FMNL2: variants seen among roughly 807,000 people sequenced by gnomAD.
FMNL2 encodes the protein formin like 2.
A neutral mutation model predicts 130.2 loss-of-function variants in FMNL2; 51 were observed. The ratio of observed to expected loss-of-function variants is 0.39; its 90% CI spans 0.31 to 0.49. FMNL2 has a LOEUF of 0.49. Among genes scored for constraint, FMNL2 ranks in the 20% least tolerant of loss-of-function variants. The pLI, the probability that FMNL2 is intolerant of heterozygous loss-of-function variation, is 0.85. For missense variants in FMNL2, 977 were observed against 1,316.2 expected (o/e 0.74, Z 3.99); for synonymous variants, 465 against 467.1 (o/e 1.00, Z 0.06).
At chr2:152,543,691 A>G (rs542064022) in intron 3 of FMNL2, among the ~76,000 whole-genome samples, 22 of 133,668 alleles carry the variant, frequency 1.6e-4, no homozygotes, top group Non-Finnish European at 1.9e-4. Flanking sequence ...TTTATCTTCT[A>G]CTCTAACTCT....
At chr2:152,640,984 A>G in intron 25 of FMNL2, 70 bp downstream of exon 25, 1 of 1,593,086 alleles carries the variant, frequency 6.3e-7, no homozygotes, top group East Asian at 2.2e-5. Flanking sequence ...ATGCATGCAG[A>G]TTTTGCAGCT....
At chr2:152,535,127 A>G (rs1693927554) in intron 2 of FMNL2, among the ~76,000 whole-genome samples, 1 of 152,192 alleles carries the variant, frequency 6.6e-6, no homozygotes, top group Admixed American at 6.5e-5. Context: ...CTGTATTCCT[A>G]ACCTATTATT....
chr2:152,558,401 G>A (rs959139016), intron 4 of FMNL2, among the ~76,000 whole-genome samples: 1 of 152,200 alleles, frequency 6.6e-6, no homozygotes, highest in African/African-American at 2.4e-5. Context: ...TCCACAAGCA[G>A]GCTGTAGATC....
At chr2:152,450,580 T>C (rs1360429834) in intron 1 of FMNL2, among the ~76,000 whole-genome samples, 1 of 152,190 alleles carries the variant, frequency 6.6e-6, no homozygotes, top group Non-Finnish European at 1.5e-5. Flanking sequence ...GATTGGCTCA[T>C]CTTCATTATC....
intron 1 of FMNL2, among the ~76,000 whole-genome samples, chr2:152,404,902 G>A (rs1403305812): frequency 1.3e-5 from 2 of 152,090 alleles, no homozygotes; most frequent in African/African-American, 4.8e-5. Context: ...GTTGATTTTT[G>A]TCTTAAGATA....
intron 6 of FMNL2, among the ~76,000 whole-genome samples, chr2:152,574,231 A>T (rs979907586): frequency 6.6e-6 from 1 of 152,280 alleles, no homozygotes; most frequent in Non-Finnish European, 1.5e-5. Flanking sequence ...AGATCAAGAG[A>T]TGGAGAGCAT....
At chr2:152,598,332 C>CT (rs1440966795) in intron 9 of FMNL2, among the ~76,000 whole-genome samples, 1 of 152,276 alleles carries the variant, frequency 6.6e-6, no homozygotes, top group African/African-American at 2.4e-5. Context: ...AGGGGTCTGA[C>CT]TGGTAAGTCA....
At chr2:152,388,421 G>A (rs1216448652) in intron 1 of FMNL2, among the ~76,000 whole-genome samples, 2 of 152,162 alleles carry the variant, frequency 1.3e-5, no homozygotes, top group Non-Finnish European at 2.9e-5. Context: ...GCAAGGAGAA[G>A]TATGAACGGA....
chr2:152,413,069 C>T (rs537227987), intron 1 of FMNL2, among the ~76,000 whole-genome samples: 26 of 152,224 alleles, frequency 1.7e-4, no homozygotes, highest in African/African-American at 5.8e-4. Context: ...TTATCTTCCT[C>T]ATCTTAAAAA....
chr2:152,520,993 G>C (rs1452587366), intron 1 of FMNL2, among the ~76,000 whole-genome samples: 2 of 152,202 alleles, frequency 1.3e-5, no homozygotes, highest in African/African-American at 4.8e-5. Context: ...GACTTAGAGT[G>C]CTGATGCCAG....
intron 2 of FMNL2, 30 bp from the exon 3 acceptor site, chr2:152,542,709 T>C: frequency 6.2e-7 from 1 of 1,611,504 alleles, no homozygotes; most frequent in East Asian, 2.2e-5. Context: ...TTCATACCTT[T>C]CATGCTTTGG....
chr2:152,583,760 T>A lies in FMNL2; in HGVS notation c.876+2711T>A, dbSNP rs375162161. Among the ~76,000 whole-genome samples, 257 of 152,284 alleles carry A rather than the reference T, an allele frequency of 1.7e-3. 3 individuals are homozygous for A. In the South Asian group the frequency reaches 0.027, roughly 16 times the overall value. On this transcript the variant is annotated intron_variant, in intron 9 of 25. Coordinates refer to ENST00000288670, the MANE Select transcript of FMNL2 (RefSeq NM_052905.4). ...TTGGCCCACACCCTGTTTTTCAGGG[T>A]CTTATCAGCCCCAAGCTTCTGCAGC...
chr2:152,474,702 CA>C (rs1009340679), intron 1 of FMNL2, among the ~76,000 whole-genome samples: 2 of 151,782 alleles, frequency 1.3e-5, no homozygotes, highest in African/African-American at 4.8e-5. Context: ...AAACAAAAAA[CA>C]AAAAACAGAT....
chr2:152,628,176 T>G, intron 17 of FMNL2, 123 bp from the exon 18 acceptor site: 2 of 794,258 alleles, frequency 2.5e-6, no homozygotes, highest in Non-Finnish European at 4.1e-6. Context: ...GACTCGTTGA[T>G]TTGGTGTTTG....
chr2:152,366,657 T>C (rs1023207477), intron 1 of FMNL2, among the ~76,000 whole-genome samples: 4 of 152,142 alleles, frequency 2.6e-5, no homozygotes, highest in Admixed American at 2.6e-4. Flanking sequence ...TGAAATGTAG[T>C]GTACCCTGGT....
At chr2:152,399,723 G>C (rs1685583604) in intron 1 of FMNL2, among the ~76,000 whole-genome samples, 1 of 152,186 alleles carries the variant, frequency 6.6e-6, no homozygotes, top group Non-Finnish European at 1.5e-5. Flanking sequence ...CCTTGGGGCA[G>C]AATTTGTAAG....
intron 1 of FMNL2, among the ~76,000 whole-genome samples, chr2:152,482,604 C>G (rs1320375287): frequency 6.6e-6 from 1 of 152,184 alleles, no homozygotes; most frequent in Non-Finnish European, 1.5e-5. Flanking sequence ...TCTGGCTTTT[C>G]CACTTAATAA....
chr2:152,463,924 C>A (rs2105141304), intron 1 of FMNL2, among the ~76,000 whole-genome samples: 1 of 152,000 alleles, frequency 6.6e-6, no homozygotes, highest in East Asian at 1.9e-4. Flanking sequence ...TTCTTTCTTC[C>A]TTTGTGTGTG....
chr2:152,580,425 G>A (rs11687886), intron 8 of FMNL2, among the ~76,000 whole-genome samples: 122,540 of 152,222 alleles, frequency 0.81, 49,606 homozygotes, highest in East Asian at 0.94. Flanking sequence ...GTTGTCCTGC[G>A]TAGGAAGAAG....
Sources: allele counts gnomAD v4.1 joint callset (sites outside exome capture counted in the v4.1 genomes callset), GRCh38; gene constraint gnomAD v4.1.1; transcripts MANE v1.5; gene names NCBI Gene and HGNC (gene_info 2026-07-23, HGNC 2026-07-21).